Variants in ATAD2 observed in about 807,000 individuals in gnomAD.
ATAD2 encodes ATPase family AAA domain-containing protein 2.
In ATAD2, 62 loss-of-function variants were observed where a neutral mutation model predicts 168.9. The ratio of observed to expected loss-of-function variants is 0.37; its 90% CI spans 0.30 to 0.45. The LOEUF is 0.45. Among genes scored for constraint, ATAD2 ranks in the 20% least tolerant of loss-of-function variants. ATAD2 has a pLI of 1.00. For synonymous variants in ATAD2, 613 were observed against 571.6 expected, an observed-to-expected ratio of 1.07 and a Z score of -1.03; for missense variants, 1,419 against 1,667.8, an observed-to-expected ratio of 0.85 and a Z score of 2.60.
intron 5 of ATAD2, 109 bp downstream of exon 5, chr8:123,371,127 G>A: frequency 2.7e-6 from 3 of 1,098,196 alleles, no homozygotes; most frequent in Non-Finnish European, 3.8e-6. Context: ...ACTAATGACT[G>A]ATCAAATAAA....
At chr8:123,371,628 T>A in intron 4 of ATAD2, 42 bp downstream of exon 4, 1 of 1,541,320 alleles carries the variant, frequency 6.5e-7, no homozygotes, top group Non-Finnish European at 8.8e-7. Flanking sequence ...ACAAAAAGTC[T>A]CTGACAGATA....
At chr8:123,324,960 A>G (rs769997714) in intron 26 of ATAD2, among the ~76,000 whole-genome samples, 19 of 152,122 alleles carry the variant, frequency 1.2e-4, no homozygotes, top group South Asian at 2.1e-4. Context: ...CTATAATCCT[A>G]GCATTTTGGG....
At chr8:123,389,183 A>G (rs1156780535) in intron 1 of ATAD2, among the ~76,000 whole-genome samples, 2 of 125,060 alleles carry the variant, frequency 1.6e-5, no homozygotes, top group African/African-American at 3.0e-5. Context: ...TCACCGTGTT[A>G]GCCAGGATGG....
chr8:123,399,657 G>A (rs1330269041), upstream of ATAD2, among the ~76,000 whole-genome samples: 1 of 151,872 alleles, frequency 6.6e-6, no homozygotes, highest in Admixed American at 6.6e-5. Context: ...GAGTTCTAGA[G>A]CAGCCTGACC....
intron 2 of ATAD2, among the ~76,000 whole-genome samples, chr8:123,378,361 AG>A (rs1363791454): frequency 1.3e-5 from 2 of 152,224 alleles, no homozygotes; most frequent in African/African-American, 4.8e-5. Flanking sequence ...AAAACTCAAA[AG>A]GGCATAACCT....
At chr8:123,407,467 C>T (rs891939336) in intron 1 of ATAD2, among the ~76,000 whole-genome samples, 1 of 151,676 alleles carries the variant, frequency 6.6e-6, no homozygotes, top group Non-Finnish European at 1.5e-5. Context: ...CTCACACCTG[C>T]AATCCCAGCA....
intron 13 of ATAD2, among the ~76,000 whole-genome samples, chr8:123,355,425 G>C (rs1182682588): frequency 6.6e-6 from 1 of 152,132 alleles, no homozygotes; most frequent in Non-Finnish European, 1.5e-5. Flanking sequence ...AAACTGAAAT[G>C]AATTGGGACT....
chr8:123,348,294 A>T, intron 14 of ATAD2, 21 bp from the exon 15 acceptor site: 1 of 1,449,312 alleles, frequency 6.9e-7, no homozygotes, highest in Non-Finnish European at 9.4e-7. Context: ...AAACAATTTA[A>T]TTTTTTACAA....
chr8:123,367,331 C>A (rs555135855), intron 8 of ATAD2, among the ~76,000 whole-genome samples: 1 of 152,304 alleles, frequency 6.6e-6, no homozygotes, highest in East Asian at 1.9e-4. Flanking sequence ...GCAGAAGAAT[C>A]GCTTGAACCC....
At chr8:123,380,769 T>G (rs1250833559) in intron 1 of ATAD2, 92 bp from the exon 2 acceptor site, 1 of 1,307,232 alleles carries the variant, frequency 7.6e-7, no homozygotes, top group Non-Finnish European at 1.1e-6. Context: ...TACAAGTTAG[T>G]AAAAACTGCT....
At position 123,328,313 on chromosome 8, in the gene ATAD2, C is replaced by G. The variant is rs1329586112; in HGVS notation, c.3745G>C (p.Glu1249Gln). The change falls in exon 25 of 28, where the codon GAG becomes CAG. Residue 1249 changes from glutamate to glutamine, a missense_variant. By Grantham distance (29) the Glu-to-Gln change is conservative (BLOSUM62 2). Around this residue, in one of 5 missense-constraint regions of ATAD2, gnomAD observed 303 missense variants for 304.3 expected, o/e 1.00. Coordinates refer to ENST00000287394, the MANE Select transcript of ATAD2 (RefSeq NM_014109.4). ...TTCCTAGAGTCTTCAAGCTCATTCT[C>G]TATATTACAAGTATTTGAATTATTT... The part of the protein sequence containing the change: ...LRNNSNTCNI[E>Q]NELEDSRKTT... The G allele has an allele frequency of 1.2e-6, 2 of 1,606,974 alleles. No homozygotes were observed. Among genetic ancestry groups the G allele is most frequent in the South Asian group, 1.1e-5 (1 of 88,358 alleles).
intron 15 of ATAD2, chr8:123,347,889 A>C: frequency 3.1e-6 from 1 of 322,438 alleles, no homozygotes; most frequent in South Asian, 3.8e-5. Context: ...TTATGATATA[A>C]TAATATATTG....
chr8:123,347,063 A>T, intron 16 of ATAD2, 29 bp downstream of exon 16: 1 of 1,553,050 alleles, frequency 6.4e-7, no homozygotes, highest in Admixed American at 1.9e-5. Flanking sequence ...TATAAAAACT[A>T]ACTTTAAATG....
chr8:123,336,329 G>T, intron 22 of ATAD2, 44 bp downstream of exon 22: 1 of 1,512,948 alleles, frequency 6.6e-7, no homozygotes, highest in Non-Finnish European at 8.9e-7. Context: ...AGTGTTAGCT[G>T]CCCCCCAACT....
intron 13 of ATAD2, 77 bp from the exon 14 acceptor site, chr8:123,349,521 G>GT (rs2131335505): frequency 7.0e-7 from 1 of 1,422,338 alleles, no homozygotes. Flanking sequence ...TTCTTCTTTT[G>GT]TAAGATTTAA....
At chr8:123,361,086 G>T (rs1828804149) in intron 9 of ATAD2, among the ~76,000 whole-genome samples, 1 of 152,070 alleles carries the variant, frequency 6.6e-6, no homozygotes, top group Admixed American at 6.6e-5. Context: ...GGAGGCTGAG[G>T]CGGGTGGATA....
Position 123,321,085 on chromosome 8 carries a change from T to A in ATAD2, c.*49A>T. 1 of 1,552,690 alleles carries A rather than the reference T, an allele frequency of 6.4e-7. No individual in the cohort carries two copies. Among genetic ancestry groups the A allele is most frequent in the Non-Finnish European group, 8.8e-7 (1 of 1,134,660 alleles). The stretch of plus-strand genomic sequence containing the variant: ...ATCAATTAGGCGGACATGACAAAAA[T>A]GACTTAAATAGGAACTGAATATAAA... On this transcript the variant is annotated 3_prime_UTR_variant, in exon 28 of 28. Transcript: ENST00000287394.
At chr8:123,355,878 G>T (rs1828625633) in intron 13 of ATAD2, among the ~76,000 whole-genome samples, 1 of 152,062 alleles carries the variant, frequency 6.6e-6, no homozygotes, top group African/African-American at 2.4e-5. Context: ...CTGTAACCAA[G>T]ATTTTTAAAC....
At chr8:123,400,898 A>G, upstream of ATAD2, 5 of 1,431,826 alleles carry the variant, frequency 3.5e-6, no homozygotes, top group Middle Eastern at 2.4e-4. This position sits in a 1 kb window ranked among gnomAD's most constrained non-coding sequence, Gnocchi z 4.5. Context: ...CGGAAGGTCA[A>G]GAAGTTTGAA....
Sources: gnomAD v4.1 joint callset for allele counts (sites outside exome capture counted in the v4.1 genomes callset) on GRCh38, gnomAD v4.1.1 for gene constraint, gnomAD v4.1.1 regional missense constraint, Gnocchi (gnomAD v3.1) non-coding constraint, MANE v1.5 for transcripts, NCBI Gene and HGNC (gene_info 2026-07-23, HGNC 2026-07-21) for gene names.